The following GAB4 variants were observed in gnomAD, a reference collection of about 807,000 sequenced individuals.
The protein encoded by GAB4 is GRB2-associated-binding protein 4.
A neutral mutation model predicts 51.3 loss-of-function variants in GAB4; 26 were observed. The observed-to-expected ratio is 0.51, with a 90% CI of 0.37 to 0.70. GAB4 has a LOEUF of 0.70. Ranked by LOEUF, GAB4 falls within the 30% of genes least tolerant of loss-of-function variation. The pLI is 0.00. For synonymous variants in GAB4, 329 were observed against 291.2 expected (o/e 1.13, Z -1.32); for missense variants, 759 against 734.6 (o/e 1.03, Z -0.38).
At position 16,966,100 on chromosome 22, in the gene GAB4, C is replaced by T. The variant is rs756138492; in HGVS notation, c.1288G>A (p.Ala430Thr). 1 of 1,613,790 alleles carries T rather than the reference C, an allele frequency of 6.2e-7. No individual in the cohort carries two copies. The highest frequency in any genetic ancestry group is 8.5e-7 in the Non-Finnish European group (1 of 1,179,926). Reference sequence around the variant, plus strand: ...AGAAATAGAATGGGGAAAGACTTACCCTTCTGGTTAGGCTTGAGGCTGCGG... The same window carrying T: ...AGAAATAGAATGGGGAAAGACTTACTCTTCTGGTTAGGCTTGAGGCTGCGG... ...VNRSLKPNQKANPTPPNLRNN... is the reference protein window; with the variant it reads ...VNRSLKPNQKTNPTPPNLRNN... The change falls in exon 6 of 10, where the codon GCC (alanine) becomes ACC (threonine). Residue 430 changes from alanine to threonine, a missense_variant and splice_region_variant. By Grantham distance (58) the Ala-to-Thr change is moderately conservative. Around this residue, in one of 3 missense-constraint regions of GAB4, gnomAD observed 588 missense variants for 510.2 expected, o/e 1.15. Transcript: ENST00000400588.
At chr22:16,993,139 C>T (rs973980567) in intron 1 of GAB4, among the ~76,000 whole-genome samples, 12 of 152,156 alleles carry the variant, frequency 7.9e-5, no homozygotes, top group African/African-American at 2.2e-4. Flanking sequence ...TACCTTCCAC[C>T]TCTTCAACAA....
intron 3 of GAB4, among the ~76,000 whole-genome samples, chr22:16,977,496 C>A (rs1280043067): frequency 6.6e-5 from 10 of 152,112 alleles, no homozygotes; most frequent in Admixed American, 3.3e-4. Context: ...TATATATGTG[C>A]CTAATACAGG....
intron 1 of GAB4, among the ~76,000 whole-genome samples, chr22:16,996,908 G>A (rs182834916): frequency 4.2e-4 from 62 of 149,340 alleles, no homozygotes; most frequent in African/African-American, 1.4e-3. Flanking sequence ...GAGAACATGC[G>A]GTGTTTGGTT....
At position 16,988,166 on chromosome 22, in the gene GAB4, G is replaced by T. The variant is rs200944025; in HGVS notation, c.480C>A (p.Gly160=). 6.2e-7 allele frequency: 1 copy of T among 1,606,600 alleles called. No homozygotes were observed. Among genetic ancestry groups the T allele is most frequent in the Non-Finnish European group, 8.5e-7 (1 of 1,173,826 alleles). ...TGGCTGAGGAAATGTTTCCCAGGAA[G>T]CCTGTGAATGAAACAGGAAGGAAGG... ...ICGFRQEEST[G]FLGNISSASH... Residue 160 remains glycine, a splice_region_variant and synonymous_variant, in exon 3 of 10, where the codon GGC becomes GGA. Coordinates refer to ENST00000400588, the MANE Select transcript of GAB4 (RefSeq NM_001037814.1).
chr22:16,990,866 G>C (rs186104206), intron 2 of GAB4, among the ~76,000 whole-genome samples: 5 of 152,286 alleles, frequency 3.3e-5, no homozygotes, highest in Admixed American at 3.3e-4. Flanking sequence ...CTGGAGTGGG[G>C]TGCAGACTGA....
chr22:16,968,157 G>A, intron 5 of GAB4, 141 bp downstream of exon 5: 1 of 657,680 alleles, frequency 1.5e-6, no homozygotes, highest in Non-Finnish European at 2.8e-6. Context: ...TGAACCTATG[G>A]TTCTGAACTG....
intron 3 of GAB4, among the ~76,000 whole-genome samples, chr22:16,972,216 C>T (rs1363692035): frequency 2.0e-5 from 3 of 152,308 alleles, no homozygotes; most frequent in East Asian, 1.9e-4. Context: ...GGAGGTGTCA[C>T]GAACACACAC....
chr22:16,992,181 G>A lies in GAB4; in HGVS notation c.175-5C>T. The A allele has an allele frequency of 6.2e-7, 1 of 1,602,740 alleles. No individual in the cohort carries two copies. Among genetic ancestry groups the A allele is most frequent in the Non-Finnish European group, 8.5e-7 (1 of 1,172,384 alleles). The stretch of plus-strand genomic sequence containing the variant: ...AAACCAGCGTTTCCTCCAGGCCTAA[G>A]GAAGGAGTAAGAAGAGGGGAAGCAT... On this transcript the variant is annotated splice_polypyrimidine_tract_variant and splice_region_variant and intron_variant, in intron 1 of 9. Transcript: ENST00000400588.
chr22:16,967,349 G>A (rs1569090501), intron 5 of GAB4: 2 of 153,132 alleles, frequency 1.3e-5, no homozygotes, highest in African/African-American at 2.4e-5. Context: ...GACCCAGGCA[G>A]AAGGCAGCAC....
chr22:16,985,133 G>A (rs535850215), intron 3 of GAB4, among the ~76,000 whole-genome samples: 20 of 152,324 alleles, frequency 1.3e-4, no homozygotes, highest in African/African-American at 4.6e-4. Context: ...TGCCACCACA[G>A]TGGAGCTGGA....
chr22:17,004,015 C>G (rs2061019090), intron 1 of GAB4, among the ~76,000 whole-genome samples: 1 of 152,126 alleles, frequency 6.6e-6, no homozygotes, highest in Non-Finnish European at 1.5e-5. Context: ...CACAGAAATA[C>G]AAACTACCAT....
chr22:16,981,775 A>G (rs1364014977), intron 3 of GAB4, among the ~76,000 whole-genome samples: 1 of 152,174 alleles, frequency 6.6e-6, no homozygotes, highest in South Asian at 2.1e-4. Context: ...ATGAAGCACT[A>G]TCCTGATACC....
rs1276024171 is a variant in GAB4, at chr22:16,975,230, C to T, written c.687-5037G>A. 5.3e-5 allele frequency among the ~76,000 whole-genome samples: 8 copies of T among 152,182 alleles called. No homozygotes were observed. In the East Asian group the frequency reaches 1.5e-3, roughly 29 times the overall value. On this transcript the variant is annotated intron_variant, in intron 3 of 9. Transcript: ENST00000400588. ...GTTTTTAGCTCAGGGGATCCCACCC[C>T]CATGGAGACCAGCAAGCTAAGATCC...
chr22:16,987,928 C>A (rs1185245291), intron 3 of GAB4, 32 bp downstream of exon 3: 2 of 1,511,282 alleles, frequency 1.3e-6, no homozygotes, highest in Non-Finnish European at 9.0e-7. Context: ...TTGTGGGGGT[C>A]ACTGCCCCCA....
At chr22:16,990,003 C>T (rs752456700) in intron 2 of GAB4, among the ~76,000 whole-genome samples, 49 of 152,130 alleles carry the variant, frequency 3.2e-4, no homozygotes, top group Non-Finnish European at 6.2e-4. Flanking sequence ...GTGAGCCCCT[C>T]GTATGCCTGT....
chr22:16,979,263 T>C (rs2060807252), intron 3 of GAB4, among the ~76,000 whole-genome samples: 1 of 152,206 alleles, frequency 6.6e-6, no homozygotes, highest in Non-Finnish European at 1.5e-5. Context: ...GATGACATGA[T>C]TGTATACTTA....
At chr22:16,987,475 T>C (rs971062072) in intron 3 of GAB4, among the ~76,000 whole-genome samples, 1 of 152,234 alleles carries the variant, frequency 6.6e-6, no homozygotes, top group African/African-American at 2.4e-5. Context: ...GTGGCTACTA[T>C]AACTGAGAAA....
intron 4 of GAB4, 41 bp downstream of exon 4, chr22:16,969,902 C>T: frequency 1.2e-6 from 2 of 1,613,040 alleles, no homozygotes; most frequent in Non-Finnish European, 8.5e-7. Context: ...CCCCAAACTC[C>T]TGGAACAGGG....
In GAB4 at chr22:17,007,974, C is replaced by T. The variant is rs1288103729; in HGVS notation, c.141G>A (p.Arg47=). ...TCAGCTTCTTCTCGGGGGGCGACTT[C>T]CTCAGCCAGCCGCTGTACAGCACGT... ...SGHVLYSGWL[R]KSPPEKKLRL... is the part of the protein sequence containing the mutation. Residue 47 remains arginine, a synonymous_variant, in exon 1 of 10, where the codon AGG becomes AGA. Transcript: ENST00000400588. 4.4e-6 allele frequency: 7 copies of T among 1,600,876 alleles called. No homozygotes were observed. The highest frequency in any genetic ancestry group is 5.1e-6 in the Non-Finnish European group (6 of 1,172,104).
Sources: gnomAD v4.1 joint callset for allele counts (sites outside exome capture counted in the v4.1 genomes callset) on GRCh38, gnomAD v4.1.1 for gene constraint, gnomAD v4.1.1 regional missense constraint, MANE v1.5 for transcripts, NCBI Gene and HGNC (gene_info 2026-07-23, HGNC 2026-07-21) for gene names.